Variants in ADAMTS6 observed in about 807,000 individuals in gnomAD.
The protein encoded by ADAMTS6 is ADAM metallopeptidase with thrombospondin type 1 motif 6, also known as A disintegrin and metalloproteinase with thrombospondin motifs 6.
In ADAMTS6, 23 loss-of-function variants were observed where a neutral mutation model predicts 144.3. That is an observed-to-expected ratio of 0.16 (90% CI 0.11 to 0.23). The LOEUF (loss-of-function observed/expected upper bound fraction) is 0.23, where lower values mean the gene tolerates loss of function less well. Among genes scored for constraint, ADAMTS6 ranks in the 10% least tolerant of loss-of-function variants. The probability of loss-of-function intolerance (pLI) is 1.00; values close to 1 mark genes in which losing one functional copy is unlikely to be tolerated. For synonymous variants in ADAMTS6, 444 were observed against 457.5 expected, an observed-to-expected ratio of 0.97 and a Z score of 0.38; for missense variants, 999 against 1,379.6, an observed-to-expected ratio of 0.72 and a Z score of 4.37.
At chr5:65,170,840 T>A in intron 23 of ADAMTS6, 67 bp from the exon 24 acceptor site, 1 of 1,511,228 alleles carries the variant, frequency 6.6e-7, no homozygotes, top group Non-Finnish European at 9.0e-7. Context: ...AAAAATATAC[T>A]ATGTCATTTC....
chr5:65,398,589 G>C (rs1753551765), intron 7 of ADAMTS6, among the ~76,000 whole-genome samples: 1 of 151,974 alleles, frequency 6.6e-6, no homozygotes, highest in Admixed American at 6.6e-5. Context: ...AGCTAGGCAT[G>C]GCAGCACGTG....
chr5:65,160,652 C>CCTTT (rs1561232998), intron 24 of ADAMTS6, among the ~76,000 whole-genome samples: 3 of 60,232 alleles, frequency 5.0e-5, no homozygotes, highest in Non-Finnish European at 1.0e-4. Flanking sequence ...TTCTTTCCTC[C>CCTTT]ATTTTTTTTT....
intron 14 of ADAMTS6, chr5:65,256,317 C>G (rs998286780): frequency 6.6e-6 from 1 of 152,126 alleles, no homozygotes; most frequent in Non-Finnish European, 1.5e-5. Flanking sequence ...TTAGACAGTG[C>G]TAGTGTAGAT....
rs114784347 is a variant in ADAMTS6 at position 65,290,710 on chromosome 5, A to C, written c.1512+619T>G. ...ATGTCCACTAAAATCTTGCTCTATG[A>C]AACTTAAAAAGAATTTTATTCATTT... On this transcript the variant is annotated intron_variant, in intron 11 of 24. Transcript: ENST00000381055. Among the ~76,000 whole-genome samples the C allele has an allele frequency of 4.1e-3, 630 of 152,322 alleles. 3 individuals are homozygous for C. The highest frequency in any genetic ancestry group is 0.014 in the African/African-American group (588 of 41,574).
intron 12 of ADAMTS6, among the ~76,000 whole-genome samples, chr5:65,264,262 T>C (rs1761435841): frequency 6.6e-6 from 1 of 152,182 alleles, no homozygotes. Context: ...CAACAGTAGA[T>C]TTAGTGATCT....
In ADAMTS6 at chr5:65,457,915, C is replaced by T. The variant is rs245522; in HGVS notation, c.631+2255G>A. On this transcript the variant is annotated intron_variant, in intron 4 of 24. Transcript: ENST00000381055. ...CTAATTTTTGTATTTTTAGTAGAGA[C>T]GGGGTTTCACCATGTTGGCCAGGAT... 7.3e-3 allele frequency among the ~76,000 whole-genome samples: 1,101 copies of T among 151,520 alleles called. 40 individuals are homozygous for T. The East Asian group carries it at 0.099, about 14-fold the overall frequency.
At chr5:65,256,991 T>C (rs199989590) in intron 14 of ADAMTS6, among the ~76,000 whole-genome samples, 25 of 131,460 alleles carry the variant, frequency 1.9e-4, no homozygotes, top group Non-Finnish European at 2.5e-4. Context: ...CTCTCTTTTT[T>C]TTTTTTTTTT....
chr5:65,224,298 C>T, intron 18 of ADAMTS6, 22 bp downstream of exon 18: 1 of 1,601,578 alleles, frequency 6.2e-7, no homozygotes, highest in Non-Finnish European at 8.6e-7. Context: ...ATCCAGCAAA[C>T]TAGCATACCA....
intron 7 of ADAMTS6, among the ~76,000 whole-genome samples, chr5:65,334,561 G>GA (rs903380732): frequency 6.6e-6 from 1 of 151,744 alleles, no homozygotes; most frequent in African/African-American, 2.4e-5. Context: ...TCTTGTTAAA[G>GA]AAAAAAAGAT....
chr5:65,321,266 A>G (rs997152223), intron 9 of ADAMTS6, among the ~76,000 whole-genome samples: 10 of 151,868 alleles, frequency 6.6e-5, no homozygotes, highest in African/African-American at 2.4e-4. Flanking sequence ...GTGTTATCTC[A>G]CTGTGGTTTT....
At chr5:65,465,943 T>C (rs1376522465) in intron 3 of ADAMTS6, among the ~76,000 whole-genome samples, 1 of 152,238 alleles carries the variant, frequency 6.6e-6, no homozygotes, top group Non-Finnish European at 1.5e-5. Context: ...ATGGCATCTA[T>C]ATATTGATGA....
intron 18 of ADAMTS6, among the ~76,000 whole-genome samples, chr5:65,222,195 T>C (rs1186513751): frequency 6.6e-6 from 1 of 152,188 alleles, no homozygotes; most frequent in East Asian, 1.9e-4. Flanking sequence ...ATTCAGGGAC[T>C]AATGCTTCTG....
chr5:65,431,699 A>G (rs1757013987), intron 7 of ADAMTS6, among the ~76,000 whole-genome samples: 1 of 152,258 alleles, frequency 6.6e-6, no homozygotes, highest in East Asian at 1.9e-4. Flanking sequence ...ACAGGCAAAC[A>G]TAATTGCCAC....
At chr5:65,223,969 T>A (rs770093151) in intron 18 of ADAMTS6, among the ~76,000 whole-genome samples, 3 of 151,924 alleles carry the variant, frequency 2.0e-5, no homozygotes, top group Non-Finnish European at 4.4e-5. Context: ...CCAGCTAATT[T>A]TTCTGTATTT....
intron 6 of ADAMTS6, 119 bp from the exon 7 acceptor site, chr5:65,451,739 T>C: frequency 4.9e-6 from 6 of 1,213,466 alleles, no homozygotes; most frequent in Non-Finnish European, 5.8e-6. Flanking sequence ...AATAATCTCT[T>C]GCCAATTTTT....
intron 7 of ADAMTS6, among the ~76,000 whole-genome samples, chr5:65,426,401 C>T (rs966922555): frequency 2.0e-5 from 3 of 151,796 alleles, no homozygotes; most frequent in African/African-American, 4.8e-5. Context: ...CACTTCTCAG[C>T]CTTTTGGCTA....
chr5:65,176,259 G>A (rs1332729414), intron 22 of ADAMTS6, among the ~76,000 whole-genome samples: 3 of 152,050 alleles, frequency 2.0e-5, no homozygotes, highest in Admixed American at 1.3e-4. Flanking sequence ...AATTGTCTGC[G>A]AAAGTCGTGA....
chr5:65,224,190 T>G, intron 18 of ADAMTS6, 130 bp downstream of exon 18: 1 of 727,834 alleles, frequency 1.4e-6, no homozygotes, highest in South Asian at 1.7e-5. Flanking sequence ...TCTATAAAAC[T>G]TAGAGCTTAC....
At chr5:65,303,125 T>C (rs1310530238) in intron 9 of ADAMTS6, among the ~76,000 whole-genome samples, 2 of 152,156 alleles carry the variant, frequency 1.3e-5, no homozygotes, top group African/African-American at 2.4e-5. Context: ...TAGTTTCCAG[T>C]TCCTCACTTT....
Sources: allele counts gnomAD v4.1 joint callset (sites outside exome capture counted in the v4.1 genomes callset), GRCh38; gene constraint gnomAD v4.1.1; transcripts MANE v1.5; gene names NCBI Gene and HGNC (gene_info 2026-07-23, HGNC 2026-07-21).